The following FRAS1 variants were observed in gnomAD, a reference collection of about 807,000 sequenced individuals.
FRAS1 encodes extracellular matrix organizing protein FRAS1.
A neutral mutation model predicts 435.2 loss-of-function variants in FRAS1; 290 were observed. That is an observed-to-expected ratio of 0.67 (90% confidence interval 0.61 to 0.73). FRAS1 has a LOEUF of 0.73. FRAS1 is among the 30% of genes least tolerant of loss of function. The probability of loss-of-function intolerance (pLI) is 0.00; values close to 1 mark genes in which losing one functional copy is unlikely to be tolerated. For synonymous variants in FRAS1, 1,800 were observed against 1,851.0 expected, an observed-to-expected ratio of 0.97 and a Z score of 0.71; for missense variants, 4,860 against 5,001.5, an observed-to-expected ratio of 0.97 and a Z score of 0.85.
At chr4:78,250,218 C>T (rs1039136113) in intron 4 of FRAS1, among the ~76,000 whole-genome samples, 6 of 151,766 alleles carry the variant, frequency 4.0e-5, no homozygotes, top group African/African-American at 1.5e-4. Context: ...ACTAGTAATC[C>T]GAATACTCTG....
chr4:78,535,270 C>T (rs951534809), intron 71 of FRAS1, among the ~76,000 whole-genome samples: 5 of 152,156 alleles, frequency 3.3e-5, no homozygotes, highest in Non-Finnish European at 7.4e-5. Context: ...TGAGTGCTGC[C>T]TCTGGTCATC....
intron 2 of FRAS1, among the ~76,000 whole-genome samples, chr4:78,201,578 G>T: frequency 6.6e-6 from 1 of 152,136 alleles, no homozygotes; most frequent in East Asian, 1.9e-4. Context: ...AGGGCTCTGA[G>T]CTCTCACCCC....
chr4:78,105,279 A>G (rs1033116148), intron 2 of FRAS1, among the ~76,000 whole-genome samples: 10 of 152,186 alleles, frequency 6.6e-5, no homozygotes, highest in Non-Finnish European at 2.9e-5. Flanking sequence ...CTATATGGTT[A>G]TATATTGTCC....
chr4:78,383,508 G>GA (rs1732102593), intron 27 of FRAS1, among the ~76,000 whole-genome samples: 1 of 152,170 alleles, frequency 6.6e-6, no homozygotes, highest in African/African-American at 2.4e-5. Context: ...CGCCAGGGAA[G>GA]AATCAGCCAT....
intron 2 of FRAS1, among the ~76,000 whole-genome samples, chr4:78,124,477 G>A (rs1234157058): frequency 6.6e-6 from 1 of 152,198 alleles, no homozygotes; most frequent in Non-Finnish European, 1.5e-5. Context: ...TCAGGATGAT[G>A]CTGGCCTCAT....
chr4:78,092,459 G>A (rs1162413294), intron 2 of FRAS1, among the ~76,000 whole-genome samples: 3 of 152,228 alleles, frequency 2.0e-5, no homozygotes, highest in Non-Finnish European at 4.4e-5. Context: ...AGTAGGCAAA[G>A]AGAGCTTGTG....
intron 70 of FRAS1, among the ~76,000 whole-genome samples, chr4:78,532,404 T>G (rs1001689976): frequency 6.6e-6 from 1 of 152,218 alleles, no homozygotes; most frequent in Non-Finnish European, 1.5e-5. Context: ...CTTTATGGTA[T>G]ATATTTAAGG....
At chr4:78,443,879 C>T (rs181345423) in intron 41 of FRAS1, among the ~76,000 whole-genome samples, 3 of 152,256 alleles carry the variant, frequency 2.0e-5, no homozygotes, top group Non-Finnish European at 2.9e-5. Flanking sequence ...GACAGGGTCT[C>T]GCCTCATTGC....
At chr4:78,139,242 T>TAAC (rs1720056264) in intron 2 of FRAS1, among the ~76,000 whole-genome samples, 1 of 152,102 alleles carries the variant, frequency 6.6e-6, no homozygotes, top group African/African-American at 2.4e-5. Flanking sequence ...GAACAGGACC[T>TAAC]TGGGATGTGA....
At chr4:78,477,003 AAC>A (rs1719872291) in intron 54 of FRAS1, among the ~76,000 whole-genome samples, 1 of 151,758 alleles carries the variant, frequency 6.6e-6, no homozygotes, top group African/African-American at 2.4e-5. Context: ...AAAAAAAAAA[AAC>A]AAAGTAAAAC....
At chr4:78,481,753 G>C (rs1720016541) in intron 56 of FRAS1, 51 bp from the exon 57 acceptor site, 1 of 1,605,420 alleles carries the variant, frequency 6.2e-7, no homozygotes, top group South Asian at 1.1e-5. Context: ...AAACCTCGCT[G>C]ATTTTCTGGC....
rs1169883096 is a variant in FRAS1, at chr4:78,057,981, G to C, written c.-29G>C. ...CCGCTTCTTGGATGCTGAAGGCTGGGCTCCTCCATCGTGGGTGCCGAGGCG... is the reference window on the plus strand; with the variant it reads ...CCGCTTCTTGGATGCTGAAGGCTGGCCTCCTCCATCGTGGGTGCCGAGGCG... On this transcript the variant is annotated 5_prime_UTR_variant, in exon 1 of 74. Transcript: ENST00000512123. This position sits in a 1 kb window ranked among gnomAD's most constrained non-coding sequence, Gnocchi z 4.2. 5 of 1,609,614 alleles carry C rather than the reference G, an allele frequency of 3.1e-6. No individual in the cohort carries two copies. The highest frequency in any genetic ancestry group is 3.4e-6 in the Non-Finnish European group (4 of 1,176,126).
At chr4:78,315,833 G>T in intron 16 of FRAS1, 99 bp downstream of exon 16, 1 of 1,278,238 alleles carries the variant, frequency 7.8e-7, no homozygotes, top group Admixed American at 1.9e-5. Flanking sequence ...TCGAGTGTAT[G>T]ATGGGAAAGC....
intron 60 of FRAS1, among the ~76,000 whole-genome samples, chr4:78,498,765 A>G (rs925002233): frequency 6.6e-6 from 1 of 151,876 alleles, no homozygotes; most frequent in East Asian, 1.9e-4. Context: ...TCTCTCTACC[A>G]CCACCCCACC....
At chr4:78,258,491 G>T (rs1725902739) in intron 6 of FRAS1, among the ~76,000 whole-genome samples, 1 of 151,650 alleles carries the variant, frequency 6.6e-6, no homozygotes, top group Non-Finnish European at 1.5e-5. Flanking sequence ...TTCCCATCCT[G>T]ACCCTATGGA....
chr4:78,403,380 A>C (rs968152248), intron 30 of FRAS1, among the ~76,000 whole-genome samples: 3 of 152,166 alleles, frequency 2.0e-5, no homozygotes, highest in Non-Finnish European at 4.4e-5. Context: ...TCTTCCTATG[A>C]ACATGATCTT....
intron 2 of FRAS1, among the ~76,000 whole-genome samples, chr4:78,116,710 G>A (rs2109953621): frequency 6.6e-6 from 1 of 151,868 alleles, no homozygotes; most frequent in Non-Finnish European, 1.5e-5. Flanking sequence ...CCTTTATTTT[G>A]AGCCTATGTG....
chr4:78,345,830 C>T lies in FRAS1; in HGVS notation c.2422+8013C>T, dbSNP rs542705274. Among the ~76,000 whole-genome samples the T allele has an allele frequency of 4.0e-5, 6 of 150,000 alleles. No homozygotes were observed. The South Asian group carries it at 1.3e-3, about 32-fold the overall frequency. On this transcript the variant is annotated intron_variant, in intron 20 of 73. Coordinates refer to ENST00000512123, the MANE Select transcript of FRAS1 (RefSeq NM_025074.7). ...AGCTTTTCCTTTTAGGAAAAAAGAA[C>T]ATGACCTATGCTTAAATTGAGTCCT... is the stretch of plus-strand genomic sequence containing the variant.
At chr4:78,474,036 TA>T (rs969591520) in intron 53 of FRAS1, among the ~76,000 whole-genome samples, 10 of 152,166 alleles carry the variant, frequency 6.6e-5, no homozygotes, top group Non-Finnish European at 1.0e-4. Flanking sequence ...ATAGGAAAAA[TA>T]AAAATAGGCA....
Sources: gnomAD v4.1 joint callset for allele counts (sites outside exome capture counted in the v4.1 genomes callset) on GRCh38, gnomAD v4.1.1 for gene constraint, Gnocchi (gnomAD v3.1) non-coding constraint, MANE v1.5 for transcripts, NCBI Gene and HGNC (gene_info 2026-07-23, HGNC 2026-07-21) for gene names.